Variants in TFCP2L1 observed in about 807,000 individuals in gnomAD.
TFCP2L1 encodes the protein transcription factor CP2 like 1.
Under a neutral mutation model 72.2 loss-of-function variants are expected in TFCP2L1, and 12 were observed. The observed-to-expected ratio is 0.17, with a 90% CI of 0.11 to 0.27. The LOEUF (loss-of-function observed/expected upper bound fraction) is 0.27, where lower values mean the gene tolerates loss of function less well. Among genes scored for constraint, TFCP2L1 ranks in the 10% least tolerant of loss-of-function variants. The pLI, the probability that TFCP2L1 is intolerant of heterozygous loss-of-function variation, is 1.00. For synonymous variants in TFCP2L1, 260 were observed against 251.0 expected (o/e 1.04, Z -0.34); for missense variants, 488 against 624.6 (o/e 0.78, Z 2.33).
chr2:121,240,774 C>T (rs895855010), intron 7 of TFCP2L1: 10 of 978,694 alleles, frequency 1.0e-5, no homozygotes, highest in African/African-American at 1.8e-5. Context: ...CGGGAAGAAA[C>T]TGGTCTGGCC....
rs546501025 is a variant in TFCP2L1, at chr2:121,217,937, G to A, written c.*6404C>T. ...CCAAGGGGGGCTCGCCAGCCACACA[G>A]GACACGAGATGCGTGATAGGCAGGG... On this transcript the variant is annotated 3_prime_UTR_variant, in exon 15 of 15. Transcript: ENST00000263707. 22 of 152,382 alleles carry A rather than the reference G, an allele frequency of 1.4e-4. No homozygotes were observed. Among genetic ancestry groups the A allele is most frequent in the African/African-American group, 5.3e-4 (22 of 41,582 alleles). The allele number at this position is 152,382 out of a possible 1,614,324, so 9.4% of individuals were successfully genotyped here. A position where few individuals can be genotyped will look rare whatever the true frequency, so the allele number is the denominator to read the frequency against.
At chr2:121,264,358 G>A (rs1686887993) in intron 2 of TFCP2L1, among the ~76,000 whole-genome samples, 1 of 152,216 alleles carries the variant, frequency 6.6e-6, no homozygotes, top group South Asian at 2.1e-4. Flanking sequence ...GACCCTCTCT[G>A]AGACTGCTCC....
intron 1 of TFCP2L1, among the ~76,000 whole-genome samples, chr2:121,283,809 A>G (rs1255426108): frequency 3.9e-5 from 6 of 152,218 alleles, no homozygotes; most frequent in African/African-American, 1.4e-4. Flanking sequence ...AATGTATTCC[A>G]TTGTAGCATT....
chr2:121,228,482 G>A (rs567982478), intron 13 of TFCP2L1, among the ~76,000 whole-genome samples: 59 of 150,808 alleles, frequency 3.9e-4, no homozygotes, highest in Admixed American at 1.9e-3. Context: ...TAGCTAGGCC[G>A]AGCACAGTGG....
intron 6 of TFCP2L1, among the ~76,000 whole-genome samples, chr2:121,243,702 G>A (rs965917869): frequency 6.6e-6 from 1 of 151,734 alleles, no homozygotes; most frequent in East Asian, 1.9e-4. Flanking sequence ...AGAATCTAAT[G>A]CCTGATGATG....
At chr2:121,259,011 G>C (rs1333148802) in intron 2 of TFCP2L1, among the ~76,000 whole-genome samples, 25 of 152,180 alleles carry the variant, frequency 1.6e-4, no homozygotes, top group Admixed American at 1.6e-3. Flanking sequence ...ACTTTGGGAG[G>C]CCAAGGCAGG....
At chr2:121,265,865 C>CTT (rs559969459) in intron 2 of TFCP2L1, among the ~76,000 whole-genome samples, 39 of 131,600 alleles carry the variant, frequency 3.0e-4, no homozygotes, top group Admixed American at 2.3e-3. Flanking sequence ...AAGTAGTAAT[C>CTT]TTTTTTTTTT....
At chr2:121,233,343 T>C (rs903248280) in intron 12 of TFCP2L1, among the ~76,000 whole-genome samples, 5 of 152,288 alleles carry the variant, frequency 3.3e-5, no homozygotes, top group Non-Finnish European at 5.9e-5. Flanking sequence ...GGTGTGACCA[T>C]GCATGGCTAA....
chr2:121,257,771 C>A (rs968887045), intron 2 of TFCP2L1, among the ~76,000 whole-genome samples: 3 of 152,238 alleles, frequency 2.0e-5, no homozygotes, highest in Non-Finnish European at 2.9e-5. Flanking sequence ...GTAATTCATT[C>A]AAACACTGAA....
chr2:121,267,497 ATC>A (rs386419696), intron 2 of TFCP2L1, among the ~76,000 whole-genome samples: 2,471 of 142,808 alleles, frequency 0.017, 82 homozygotes, highest in African/African-American at 0.069. Flanking sequence ...AACATTAAAA[ATC>A]TTTTTTTTTT....
rs530846997 is a variant in TFCP2L1 at position 121,235,694 on chromosome 2, A to G, written c.1004-383T>C. Among the ~76,000 whole-genome samples, 7 of 150,898 alleles carry G rather than the reference A, an allele frequency of 4.6e-5. No homozygotes were observed. The South Asian group carries it at 8.4e-4, about 18-fold the overall frequency. On this transcript the variant is annotated intron_variant, in intron 10 of 14. Transcript: ENST00000263707. ...CTCAGCCTCTCAAAGTACTGGGATTACAGACATGAGTCACTGCATCTGGCC... is the reference window on the plus strand; with the variant it reads ...CTCAGCCTCTCAAAGTACTGGGATTGCAGACATGAGTCACTGCATCTGGCC...
At chr2:121,284,411 G>A (rs770719211) in intron 1 of TFCP2L1, among the ~76,000 whole-genome samples, 3 of 152,206 alleles carry the variant, frequency 2.0e-5, no homozygotes, top group Admixed American at 6.5e-5. Flanking sequence ...TGCAAAACAC[G>A]CAGGACTTAC....
chr2:121,280,036 C>CA (rs1434512346), intron 2 of TFCP2L1, among the ~76,000 whole-genome samples: 3 of 152,176 alleles, frequency 2.0e-5, no homozygotes, highest in African/African-American at 7.2e-5. Context: ...GATAGAACCA[C>CA]AAAAACACCA....
rs761763511 is a variant in TFCP2L1, at chr2:121,223,131, C to T, written c.*1210G>A. On this transcript the variant is annotated 3_prime_UTR_variant, in exon 15 of 15. Transcript: ENST00000263707. ...AGCTCCATTTAGAAGCTATGACATCCCATTCAGGTGGTCAGAGGGTTCCCC... is the reference window on the plus strand; with the variant it reads ...AGCTCCATTTAGAAGCTATGACATCTCATTCAGGTGGTCAGAGGGTTCCCC... The T allele has an allele frequency of 3.3e-5, 5 of 152,136 alleles. No individual in the cohort carries two copies. The highest frequency in any genetic ancestry group is 5.9e-5 in the Non-Finnish European group (4 of 68,044). The allele number at this position is 152,136 out of a possible 1,614,324, so 9.4% of individuals were successfully genotyped here. A position where few individuals can be genotyped will look rare whatever the true frequency, so the allele number is the denominator to read the frequency against.
chr2:121,251,004 C>CTT (rs997414958), intron 2 of TFCP2L1, among the ~76,000 whole-genome samples: 8 of 151,756 alleles, frequency 5.3e-5, no homozygotes, highest in Admixed American at 5.2e-4. Context: ...TGGCTCACAC[C>CTT]TGTAATCCCA....
At chr2:121,227,718 A>AACACACAC (rs764761280) in intron 13 of TFCP2L1, among the ~76,000 whole-genome samples, 2 of 39,884 alleles carry the variant, frequency 5.0e-5, no homozygotes, top group African/African-American at 1.7e-4. Flanking sequence ...ATAAACATAC[A>AACACACAC]ATACACACAC....
chr2:121,218,943 G>A lies in TFCP2L1; in HGVS notation c.*5398C>T, dbSNP rs6541771. 0.48 allele frequency: 73,248 copies of A among 152,068 alleles called. 18,446 individuals are homozygous for A. The highest frequency in any genetic ancestry group is 0.62 in the African/African-American group (25,551 of 41,438). The allele number at this position is 152,068 out of a possible 1,614,324, so 9.4% of individuals were successfully genotyped here. On this transcript the variant is annotated 3_prime_UTR_variant, in exon 15 of 15. Transcript: ENST00000263707. ...AGGAGGCCTGGGGTGCCTGACCAGC[G>A]CCTCACTGGCCCTCAAGCCCTGTCC... is the stretch of plus-strand genomic sequence containing the variant.
At chr2:121,242,093 A>G (rs1298340580) in intron 7 of TFCP2L1, among the ~76,000 whole-genome samples, 1 of 151,254 alleles carries the variant, frequency 6.6e-6, no homozygotes, top group East Asian at 1.9e-4. Flanking sequence ...CAAAAAAAAA[A>G]AAAAAAAAAA....
At chr2:121,248,897 A>T in intron 4 of TFCP2L1, 85 bp downstream of exon 4, 1 of 1,115,100 alleles carries the variant, frequency 9.0e-7, no homozygotes, top group Non-Finnish European at 1.2e-6. Flanking sequence ...CCTTCTCGGC[A>T]TAGGTCCGGG....
Sources: gnomAD v4.1 joint callset for allele counts (sites outside exome capture counted in the v4.1 genomes callset) on GRCh38, gnomAD v4.1.1 for gene constraint, MANE v1.5 for transcripts, NCBI Gene and HGNC (gene_info 2026-07-23, HGNC 2026-07-21) for gene names.